Variants in USO1 observed in about 807,000 individuals in gnomAD.
The protein encoded by USO1 is USO1 vesicle transport factor.
Under a neutral mutation model 124.5 loss-of-function variants are expected in USO1, and 57 were observed. That is an observed-to-expected ratio of 0.46 (90% CI 0.37 to 0.57). The LOEUF is 0.57. Ranked by LOEUF, USO1 falls within the 20% of genes least tolerant of loss-of-function variation. The pLI is 0.00. For missense variants in USO1, 900 were observed against 1,040.6 expected (o/e 0.86, Z 1.86); for synonymous variants, 369 against 362.8 (o/e 1.02, Z -0.19).
At chr4:75,746,367 C>T (rs977133077) in intron 1 of USO1, among the ~76,000 whole-genome samples, 5 of 152,080 alleles carry the variant, frequency 3.3e-5, no homozygotes, top group South Asian at 4.1e-4. Flanking sequence ...AGCACAGAGA[C>T]GTCTAGTAAC....
chr4:75,779,517 A>C (rs1272189104), intron 8 of USO1, among the ~76,000 whole-genome samples: 3 of 152,232 alleles, frequency 2.0e-5, no homozygotes, highest in African/African-American at 7.2e-5. Context: ...CTTATTGCTG[A>C]TATAGAGAAA....
At chr4:75,750,737 C>T (rs893657501) in intron 1 of USO1, among the ~76,000 whole-genome samples, 2 of 74,932 alleles carry the variant, frequency 2.7e-5, no homozygotes, top group African/African-American at 3.2e-5. Flanking sequence ...CCCACCTCGA[C>T]CTCCCAAAGT....
At chr4:75,786,917 G>A in intron 9 of USO1, 145 bp from the exon 10 acceptor site, 1 of 997,448 alleles carries the variant, frequency 1.0e-6, no homozygotes, top group Non-Finnish European at 1.3e-6. Context: ...TTATTGCCAT[G>A]GGAGCACGAA....
chr4:75,759,230 C>A (rs1577941956), intron 4 of USO1, among the ~76,000 whole-genome samples: 1 of 71,670 alleles, frequency 1.4e-5, no homozygotes, highest in Non-Finnish European at 2.7e-5. Flanking sequence ...GTAATAGAAT[C>A]ACTTTTATTA....
At chr4:75,755,976 C>G (rs1721429728) in intron 3 of USO1, among the ~76,000 whole-genome samples, 3 of 151,986 alleles carry the variant, frequency 2.0e-5, no homozygotes. Context: ...CGAGACCATC[C>G]TGGCTAACAC....
In USO1 at chr4:75,800,610, C is replaced by A; in HGVS notation, c.1683-8C>A. The A allele has an allele frequency of 6.6e-7, 1 of 1,521,368 alleles. No homozygotes were observed. The highest frequency in any genetic ancestry group is 1.3e-5 in the South Asian group (1 of 77,118). The allele number at this position is 1,521,368 out of a possible 1,614,324, so 94.2% of individuals were successfully genotyped here. ...TTTTAAAGCATCTCAATATGCTTAT[C>A]TCCGTAGAGAGAAGCTAAAACAACT... is the stretch of plus-strand genomic sequence containing the variant. On this transcript the variant is annotated splice_polypyrimidine_tract_variant and splice_region_variant and intron_variant, in intron 15 of 23. Transcript: ENST00000514213.
intron 13 of USO1, among the ~76,000 whole-genome samples, chr4:75,797,146 TAGAC>T (rs1205132902): frequency 2.6e-5 from 4 of 152,132 alleles, no homozygotes; most frequent in East Asian, 1.9e-4. Flanking sequence ...TCCAGCCTGA[TAGAC>T]AGAGCGAGAC....
chr4:75,742,930 G>C (rs371459403), intron 1 of USO1, among the ~76,000 whole-genome samples: 2 of 151,834 alleles, frequency 1.3e-5, no homozygotes, highest in South Asian at 4.1e-4. Context: ...AGAGAATGAG[G>C]TTCCAGCAAC....
chr4:75,736,151 T>A (rs941355746), intron 1 of USO1, among the ~76,000 whole-genome samples: 1 of 152,134 alleles, frequency 6.6e-6, no homozygotes, highest in Non-Finnish European at 1.5e-5. Context: ...TTCAGTTCTC[T>A]TTCCAGAGAT....
At chr4:75,799,537 T>C (rs753141413) in intron 13 of USO1, 85 bp from the exon 14 acceptor site, 61 of 1,467,880 alleles carry the variant, frequency 4.2e-5, no homozygotes, top group Non-Finnish European at 4.5e-5. Flanking sequence ...GTTCTTTTCA[T>C]GCAAATGGAA....
chr4:75,790,583 T>C (rs1013679127), intron 11 of USO1, 60 bp from the exon 12 acceptor site: 6 of 1,546,174 alleles, frequency 3.9e-6, no homozygotes, highest in Admixed American at 2.1e-5. Context: ...TGACTAGTTA[T>C]TGACTTGTAT....
At chr4:75,790,567 C>CA in intron 11 of USO1, 76 bp from the exon 12 acceptor site, 1 of 1,516,752 alleles carries the variant, frequency 6.6e-7, no homozygotes, top group Middle Eastern at 1.8e-4. Flanking sequence ...CTTCAATCAA[C>CA]AAAAATGACT....
chr4:75,737,816 CATTATT>C (rs201525951), intron 1 of USO1, among the ~76,000 whole-genome samples: 17 of 151,002 alleles, frequency 1.1e-4, no homozygotes, highest in Non-Finnish European at 2.4e-4. Context: ...AAATATAATA[CATTATT>C]ATTATTATTA....
chr4:75,732,356 G>A (rs912984627), intron 1 of USO1, among the ~76,000 whole-genome samples: 6 of 152,072 alleles, frequency 3.9e-5, no homozygotes, highest in South Asian at 2.1e-4. Context: ...TTTTCATGTC[G>A]ACATAGTATT....
intron 16 of USO1, 78 bp downstream of exon 16, chr4:75,800,877 C>A: frequency 6.6e-7 from 1 of 1,520,492 alleles, no homozygotes; most frequent in Admixed American, 2.1e-5. Flanking sequence ...TGGATGCATA[C>A]AGGTTATATG....
At chr4:75,753,893 C>T (rs1166941303) in intron 3 of USO1, among the ~76,000 whole-genome samples, 1 of 149,668 alleles carries the variant, frequency 6.7e-6, no homozygotes, top group African/African-American at 2.5e-5. Flanking sequence ...ATGCCATTCT[C>T]CTGCCTCAGC....
intron 1 of USO1, among the ~76,000 whole-genome samples, chr4:75,744,008 C>T (rs1430574586): frequency 6.6e-6 from 1 of 152,154 alleles, no homozygotes; most frequent in African/African-American, 2.4e-5. Flanking sequence ...GATCTCCTGA[C>T]CTCATGATCC....
At chr4:75,747,641 G>A (rs1290289818) in intron 1 of USO1, among the ~76,000 whole-genome samples, 22 of 121,922 alleles carry the variant, frequency 1.8e-4, no homozygotes, top group African/African-American at 6.6e-4. Context: ...ATGGAGTCTC[G>A]CTCTGTGGCC....
intron 10 of USO1, 70 bp downstream of exon 10, chr4:75,787,272 T>G: frequency 7.3e-7 from 1 of 1,366,472 alleles, no homozygotes; most frequent in Non-Finnish European, 9.5e-7. Flanking sequence ...AATTAGATAT[T>G]TGTTGAAGGA....
Sources: allele counts gnomAD v4.1 joint callset (sites outside exome capture counted in the v4.1 genomes callset), GRCh38; gene constraint gnomAD v4.1.1; transcripts MANE v1.5; gene names NCBI Gene and HGNC (gene_info 2026-07-23, HGNC 2026-07-21).